Variants in FHIP2B observed in about 807,000 individuals in gnomAD.
FHIP2B encodes the protein FHF complex subunit HOOK interacting protein 2B, also known as FHF complex subunit HOOK-interacting protein 2B.
A neutral mutation model predicts 84.0 loss-of-function variants in FHIP2B; 72 were observed. The ratio of observed to expected loss-of-function variants is 0.86; its 90% CI spans 0.71 to 1.04. The LOEUF (loss-of-function observed/expected upper bound fraction) is 1.04. Among genes scored for constraint, FHIP2B ranks in the 50% least tolerant of loss-of-function variants. The probability of loss-of-function intolerance (pLI) is 0.00; values close to 1 mark genes in which losing one functional copy is unlikely to be tolerated. For missense variants in FHIP2B, 972 were observed against 968.9 expected, an observed-to-expected ratio of 1.00 and a Z score of -0.04; for synonymous variants, 497 against 418.7, an observed-to-expected ratio of 1.19 and a Z score of -2.28.
intron 9 of FHIP2B, 63 bp downstream of exon 9, chr8:22,099,423 C>G: frequency 1.3e-6 from 2 of 1,537,292 alleles, no homozygotes; most frequent in African/African-American, 1.4e-5. Flanking sequence ...CCCACCCAGC[C>G]TCGTCCTGTC....
Position 22,093,708 on chromosome 8 carries a change from C to CTTTTTTTTTTTTTTTT in FHIP2B, c.46-721_46-706dup, listed in dbSNP as rs59841460. On this transcript the variant is annotated intron_variant, in intron 1 of 16. Transcript: ENST00000289921. ...ATTGAGAGGAATGGAAAAGCTTTGT[C>CTTTTTTTTTTTTTTTT]TTTTTTTTTTTTTTTTTTTTTTTTT... Among the ~76,000 whole-genome samples, 31 of 66,456 alleles carry CTTTTTTTTTTTTTTTT rather than the reference C, an allele frequency of 4.7e-4. 9 individuals carry two copies. The highest frequency in any genetic ancestry group is 5.7e-4 in the African/African-American group (9 of 15,822). 43.6% of individuals were successfully genotyped at this position (66,456 alleles called of 152,430 possible). A position where few individuals can be genotyped will look rare whatever the true frequency, so the allele number is the denominator to read the frequency against.
In FHIP2B at chr8:22,098,430, G is replaced by C; in HGVS notation, c.776G>C (p.Arg259Pro). 6.3e-7 allele frequency: 1 copy of C among 1,594,630 alleles called. No individual in the cohort carries two copies. The highest frequency in any genetic ancestry group is 8.6e-7 in the Non-Finnish European group (1 of 1,168,140). Residue 259 changes from arginine to proline, a missense_variant, in exon 7 of 17, where the codon CGG becomes CCG. Arg to Pro is a moderately radical substitution (Grantham distance 103). Transcript: ENST00000289921. ...TGTATCCTCATCCCCTAGAAGAGTC[G>C]GGTGGCCTTGAAGGCCCAGGAGAAC... Reference protein sequence around the residue: ...LLGLCQSKKSRVALKAQENLL... With the variant: ...LLGLCQSKKSPVALKAQENLL...
rs747759463 is a variant in FHIP2B, at chr8:22,102,793, G to A, written c.2094G>A (p.Gln698=). ...KQLTGQAPGE[Q]LDHQTLLQGV... ...TGCCCCCTGTGCCATCTCCCCTCAGGCTGGACCACCAGACCCTCCTCCAGG... is the reference window on the plus strand; with the variant it reads ...TGCCCCCTGTGCCATCTCCCCTCAGACTGGACCACCAGACCCTCCTCCAGG... Residue 698 remains glutamine, a splice_region_variant and synonymous_variant, in exon 17 of 17, where the codon CAG becomes CAA. Coordinates refer to ENST00000289921, the MANE Select transcript of FHIP2B (RefSeq NM_022749.7). 16 of 1,613,016 alleles carry A rather than the reference G, an allele frequency of 9.9e-6. No homozygotes were observed. The highest frequency in any genetic ancestry group is 1.3e-5 in the Non-Finnish European group (15 of 1,179,670).
In FHIP2B at chr8:22,099,281, C is replaced by T; in HGVS notation, c.1075-3C>T. On this transcript the variant is annotated splice_polypyrimidine_tract_variant and splice_region_variant and intron_variant, in intron 8 of 16. Transcript: ENST00000289921. ...AAACACATTGGCGCTCTCTGGCACC[C>T]AGGTGGTTGCGGACGCCTTGGCGAA... is the stretch of plus-strand genomic sequence containing the variant. 1 of 1,613,642 alleles carries T rather than the reference C, an allele frequency of 6.2e-7. No individual in the cohort carries two copies. The highest frequency in any genetic ancestry group is 8.5e-7 in the Non-Finnish European group (1 of 1,179,810).
chr8:22,089,185 G>A lies in FHIP2B; in HGVS notation c.-69G>A, dbSNP rs1200662977. 100 of 996,612 alleles carry A rather than the reference G, an allele frequency of 1.0e-4. No homozygotes were observed. Among genetic ancestry groups the A allele is most frequent in the Middle Eastern group, 9.3e-4 (2 of 2,152 alleles). 61.7% of individuals were successfully genotyped at this position (996,612 alleles called of 1,614,324 possible). On this transcript the variant is annotated 5_prime_UTR_variant, in exon 1 of 17. Coordinates refer to ENST00000289921, the MANE Select transcript of FHIP2B (RefSeq NM_022749.7). ...TCGCGCCGGGGCCGCCGGGGCCACG[G>A]GGCTGCCTCCTCCGCCTAGAGCGCT...
intron 13 of FHIP2B, 81 bp from the exon 14 acceptor site, chr8:22,101,627 A>C: frequency 6.4e-7 from 1 of 1,558,424 alleles, no homozygotes; most frequent in Non-Finnish European, 8.7e-7. Flanking sequence ...CAAGGACCCC[A>C]GCCCATCCCT....
chr8:22,100,835 T>C lies in FHIP2B; in HGVS notation c.1488-9T>C, dbSNP rs1186426383. 4.4e-5 allele frequency: 71 copies of C among 1,613,778 alleles called. No individual in the cohort carries two copies. Among genetic ancestry groups the C allele is most frequent in the Non-Finnish European group, 5.8e-5 (68 of 1,179,884 alleles). ...TCACTGGTGCCGTACTGCTCTGCCC[T>C]GGCCACAGAGACCTGGAGGAAGACC... On this transcript the variant is annotated splice_polypyrimidine_tract_variant and intron_variant, in intron 11 of 16. Coordinates refer to ENST00000289921, the MANE Select transcript of FHIP2B (RefSeq NM_022749.7).
chr8:22,090,755 G>C (rs1012381374), intron 1 of FHIP2B, among the ~76,000 whole-genome samples: 3 of 152,254 alleles, frequency 2.0e-5, no homozygotes, highest in Non-Finnish European at 2.9e-5. Context: ...CTCCTGAGTA[G>C]CTGGGACTAC....
In FHIP2B at chr8:22,102,888, A is replaced by C. The variant is rs770581738; in HGVS notation, c.2189A>C (p.Asp730Ala). The change falls in exon 17 of 17, where the codon GAT (aspartate) becomes GCT (alanine). Residue 730 changes from aspartate to alanine, a missense_variant. Coordinates refer to ENST00000289921, the MANE Select transcript of FHIP2B (RefSeq NM_022749.7). ...AIAFVKFPPH[D>A]PRQNVSPAPE... ...GCCTTCGTCAAGTTTCCCCCACATG[A>C]TCCTCGCCAGAACGTCTCCCCAGCC... 7 of 1,613,368 alleles carry C rather than the reference A, an allele frequency of 4.3e-6. No individual in the cohort carries two copies. The African/African-American group carries it at 9.4e-5, about 22-fold the overall frequency.
At chr8:22,093,556 G>A (rs1825605819) in intron 1 of FHIP2B, among the ~76,000 whole-genome samples, 1 of 152,068 alleles carries the variant, frequency 6.6e-6, no homozygotes, top group African/African-American at 2.4e-5. Context: ...TCAGGCTTTG[G>A]ACACAAGATG....
chr8:22,104,619 G>C lies in FHIP2B; in HGVS notation c.*1688G>C, dbSNP rs1437435408. 6.6e-6 allele frequency: 1 copy of C among 152,082 alleles called. No individual in the cohort carries two copies. The highest frequency in any genetic ancestry group is 1.5e-5 in the Non-Finnish European group (1 of 68,064). The allele number at this position is 152,082 out of a possible 1,614,324, so 9.4% of individuals were successfully genotyped here. A position where few individuals can be genotyped will look rare whatever the true frequency, so the allele number is the denominator to read the frequency against. ...TTCTGCTGGGCTGACCTGCAGCGGA[G>C]AGTCTGCCCACCCCGGAGACACCAT... On this transcript the variant is annotated 3_prime_UTR_variant, in exon 17 of 17. Coordinates refer to ENST00000289921, the MANE Select transcript of FHIP2B (RefSeq NM_022749.7).
In FHIP2B at chr8:22,094,426, T is replaced by C; in HGVS notation, c.46-14T>C. On this transcript the variant is annotated splice_polypyrimidine_tract_variant and intron_variant, in intron 1 of 16. Transcript: ENST00000289921. ...TTGTGGCCCCCACTGAGGTTGTGTG[T>C]CTGCCCTCCGCAGCGCGAGCCCAGC... The C allele has an allele frequency of 1.3e-6, 2 of 1,591,750 alleles. No homozygotes were observed. Among genetic ancestry groups the C allele is most frequent in the Non-Finnish European group, 1.7e-6 (2 of 1,171,358 alleles).
At position 22,091,288 on chromosome 8, in the gene FHIP2B, G is replaced by A. The variant is rs901488628; in HGVS notation, c.45+1990G>A. On this transcript the variant is annotated intron_variant, in intron 1 of 16. Coordinates refer to ENST00000289921, the MANE Select transcript of FHIP2B (RefSeq NM_022749.7). ...TTTTTTTAAGATGGAGTCTTCCACT[G>A]TCACCCAGGCTGGAGTGCAGTGGGG... is the stretch of plus-strand genomic sequence containing the variant. 3.0e-5 allele frequency among the ~76,000 whole-genome samples: 4 copies of A among 133,160 alleles called. No homozygotes were observed. The South Asian group carries it at 9.9e-4, about 33-fold the overall frequency. 87.4% of individuals were successfully genotyped at this position (133,160 alleles called of 152,430 possible).
intron 3 of FHIP2B, 140 bp downstream of exon 3, chr8:22,096,649 C>A: frequency 8.0e-7 from 1 of 1,255,418 alleles, no homozygotes; most frequent in Non-Finnish European, 1.0e-6. Context: ...CTGAGGTGGG[C>A]GGTGGGCAGT....
intron 14 of FHIP2B, 41 bp from the exon 15 acceptor site, chr8:22,102,134 A>T (rs771030566): frequency 5.6e-6 from 9 of 1,612,688 alleles, no homozygotes; most frequent in Non-Finnish European, 7.6e-6. Flanking sequence ...AATACTCACC[A>T]GCCCTGCCAG....
At chr8:22,099,921 C>A in intron 10 of FHIP2B, 28 bp downstream of exon 10, 1 of 1,562,546 alleles carries the variant, frequency 6.4e-7, no homozygotes, top group South Asian at 1.2e-5. Flanking sequence ...CATCTCTGTT[C>A]CTCTCACCAC....
Position 22,098,295 on chromosome 8 carries a change from G to A in FHIP2B, c.753G>A (p.Gly251=). ...GCAACCTGATTACCTCCCTGCTTGG[G>A]CTGTGCCAGAGCAAGGTGCTGGCAG... ...TESNLITSLL[G]LCQSKKSRVA... is the part of the protein sequence containing the mutation. The change falls in exon 6 of 17, where the codon GGG becomes GGA. Residue 251 remains glycine (G), a synonymous_variant. Transcript: ENST00000289921. 6.4e-7 allele frequency: 1 copy of A among 1,567,024 alleles called. No individual in the cohort carries two copies. The highest frequency in any genetic ancestry group is 1.4e-5 in the African/African-American group (1 of 73,028).
intron 1 of FHIP2B, among the ~76,000 whole-genome samples, chr8:22,093,734 T>C (rs1225648428): frequency 8.2e-6 from 1 of 122,166 alleles, no homozygotes; most frequent in Non-Finnish European, 1.8e-5. Context: ...TTTTTTTTTT[T>C]GAGATAGGGT....
chr8:22,100,079 TTTA>T, intron 10 of FHIP2B, 186 bp downstream of exon 10: 21 of 585,966 alleles, frequency 3.6e-5, no homozygotes, highest in East Asian at 7.2e-5. Context: ...TTTTTTTTTT[TTTA>T]AAGAGACAGG....
Sources: allele counts gnomAD v4.1 joint callset (sites outside exome capture counted in the v4.1 genomes callset), GRCh38; gene constraint gnomAD v4.1.1; transcripts MANE v1.5; gene names NCBI Gene and HGNC (gene_info 2026-07-23, HGNC 2026-07-21).